The following PRDM5 variants were observed in gnomAD, a reference collection of about 807,000 sequenced individuals.
The protein encoded by PRDM5 is PR/SET domain 5.
PRDM5 carries 56 observed loss-of-function variants against 81.2 expected under a neutral mutation model. The observed-to-expected ratio is 0.69, with a 90% CI of 0.56 to 0.86. The LOEUF (loss-of-function observed/expected upper bound fraction) is 0.86, where lower values mean the gene tolerates loss of function less well. Ranked by LOEUF, PRDM5 falls within the 40% of genes least tolerant of loss-of-function variation. PRDM5 has a pLI of 0.00. For missense variants in PRDM5, 697 were observed against 770.1 expected, an observed-to-expected ratio of 0.91 and a Z score of 1.12; for synonymous variants, 267 against 256.4, an observed-to-expected ratio of 1.04 and a Z score of -0.39.
chr4:120,901,161 T>A (rs182488813), intron 2 of PRDM5, among the ~76,000 whole-genome samples: 1 of 152,310 alleles, frequency 6.6e-6, no homozygotes, highest in Non-Finnish European at 1.5e-5. Flanking sequence ...TGGTGACTTC[T>A]GAGATGTTAG....
intron 4 of PRDM5, among the ~76,000 whole-genome samples, chr4:120,819,653 T>C (rs1755007124): frequency 6.6e-6 from 1 of 152,152 alleles, no homozygotes; most frequent in African/African-American, 2.4e-5. Context: ...TTTTAATAAC[T>C]AAAGCAGAAA....
chr4:120,797,576 A>G (rs1174226123), intron 10 of PRDM5, among the ~76,000 whole-genome samples: 1 of 152,196 alleles, frequency 6.6e-6, no homozygotes, highest in Non-Finnish European at 1.5e-5. Context: ...TAAAGAGACT[A>G]GGATAATTAC....
Position 120,798,437 on chromosome 4 carries a change from T to C in PRDM5, c.1031-13A>G, listed in dbSNP as rs568573488. On this transcript the variant is annotated splice_polypyrimidine_tract_variant and intron_variant, in intron 9 of 15. Coordinates refer to ENST00000264808, the MANE Select transcript of PRDM5 (RefSeq NM_018699.4). ...TAGGGTCGTTTTTCTATTAAAAAAA[T>C]GAGTGGAGACAATCTCATATCTATA... 2 of 1,272,688 alleles carry C rather than the reference T, an allele frequency of 1.6e-6. No homozygotes were observed. The highest frequency in any genetic ancestry group is 1.8e-5 in the Admixed American group (1 of 56,674). The allele number at this position is 1,272,688 out of a possible 1,614,324, so 78.8% of individuals were successfully genotyped here. A position where few individuals can be genotyped will look rare whatever the true frequency, so the allele number is the denominator to read the frequency against.
At chr4:120,777,358 G>A in intron 12 of PRDM5, 77 bp from the exon 13 acceptor site, 2 of 1,597,504 alleles carry the variant, frequency 1.3e-6, no homozygotes, top group Non-Finnish European at 1.7e-6. Context: ...TCTGACAATA[G>A]TAAATCCTTA....
rs553671630 is a variant in PRDM5 at position 120,857,245 on chromosome 4, C to G, written c.178-3705G>C. Among the ~76,000 whole-genome samples the G allele has an allele frequency of 1.5e-4, 23 of 152,226 alleles. No homozygotes were observed. In the South Asian group the frequency reaches 4.3e-3, roughly 29 times the overall value. On this transcript the variant is annotated intron_variant, in intron 2 of 15. Coordinates refer to ENST00000264808, the MANE Select transcript of PRDM5 (RefSeq NM_018699.4). ...TGGTGGCACATGCCTATAGTCCCAG[C>G]TATTTGGGAAGCTGAGGCAGGAGAA...
chr4:120,809,691 G>C (rs1753558754), intron 8 of PRDM5, among the ~76,000 whole-genome samples: 1 of 152,116 alleles, frequency 6.6e-6, no homozygotes. Context: ...TCATCTACTG[G>C]CAAGGTGAAA....
intron 1 of PRDM5, among the ~76,000 whole-genome samples, chr4:120,919,540 ACC>A (rs1724630551): frequency 1.3e-5 from 2 of 152,224 alleles, no homozygotes; most frequent in South Asian, 2.1e-4. Context: ...ATCAAAAAAC[ACC>A]ACCCACTGGT....
chr4:120,693,401 G>A lies in PRDM5; in HGVS notation c.*1710C>T, dbSNP rs1310436365. 2.0e-5 allele frequency: 3 copies of A among 151,928 alleles called. No homozygotes were observed. Among genetic ancestry groups the A allele is most frequent in the Admixed American group, 1.3e-4 (2 of 15,226 alleles). The allele number at this position is 151,928 out of a possible 1,614,324, so 9.4% of individuals were successfully genotyped here. Reference sequence around the variant, plus strand: ...ATCATATTAAAATGAAAACACTTTAGATCTAAAAATATATTGTTGAAACAA... The same window carrying A: ...ATCATATTAAAATGAAAACACTTTAAATCTAAAAATATATTGTTGAAACAA... On this transcript the variant is annotated 3_prime_UTR_variant, in exon 16 of 16. Transcript: ENST00000264808.
chr4:120,899,049 T>G (rs973207430), intron 2 of PRDM5, among the ~76,000 whole-genome samples: 2 of 152,232 alleles, frequency 1.3e-5, no homozygotes, highest in African/African-American at 4.8e-5. Flanking sequence ...CTTTTTCATA[T>G]TTCCTTACTT....
At chr4:120,791,270 T>C (rs938473117) in intron 10 of PRDM5, among the ~76,000 whole-genome samples, 1 of 152,160 alleles carries the variant, frequency 6.6e-6, no homozygotes, top group Non-Finnish European at 1.5e-5. Flanking sequence ...AAAATAGCAG[T>C]GGTTACAAAA....
chr4:120,808,777 G>C (rs1416555451), intron 8 of PRDM5, among the ~76,000 whole-genome samples: 2 of 152,230 alleles, frequency 1.3e-5, no homozygotes, highest in Non-Finnish European at 2.9e-5. Context: ...CTAAGGCCCT[G>C]TGAGAAATTG....
chr4:120,866,396 T>C (rs567843232), intron 2 of PRDM5, among the ~76,000 whole-genome samples: 1 of 152,368 alleles, frequency 6.6e-6, no homozygotes, highest in Non-Finnish European at 1.5e-5. Context: ...CATTTTATAC[T>C]CATTTATTCT....
Position 120,781,230 on chromosome 4 carries a change from C to T in PRDM5, c.1356G>A (p.Gln452=). The stretch of plus-strand genomic sequence containing the variant: ...ACTTCTTGTGTCTTTCATGAACCAC[C>T]TGGACATGAACATTTAATGTATCCT... The part of the protein sequence containing the change: ...KRKDTLNVHV[Q]VVHERHKKYR... The change falls in exon 12 of 16, where the codon CAG becomes CAA. Residue 452 remains glutamine, a synonymous_variant. Coordinates refer to ENST00000264808, the MANE Select transcript of PRDM5 (RefSeq NM_018699.4). 12 of 1,612,204 alleles carry T rather than the reference C, an allele frequency of 7.4e-6. No individual in the cohort carries two copies. The highest frequency in any genetic ancestry group is 1.0e-5 in the Non-Finnish European group (12 of 1,178,446).
intron 1 of PRDM5, among the ~76,000 whole-genome samples, chr4:120,917,679 TA>T (rs59237440): frequency 0.098 from 13,979 of 142,436 alleles, 819 homozygotes; most frequent in Middle Eastern, 0.2. Flanking sequence ...AGTCAGACAT[TA>T]AAAAAAAAAA....
intron 14 of PRDM5, among the ~76,000 whole-genome samples, chr4:120,740,975 T>C (rs1478197890): frequency 2.0e-5 from 3 of 152,202 alleles, no homozygotes; most frequent in Admixed American, 1.3e-4. Flanking sequence ...GTGTGCACTT[T>C]GCTTATGCAG....
intron 14 of PRDM5, among the ~76,000 whole-genome samples, chr4:120,722,687 C>G (rs1184335231): frequency 6.6e-6 from 1 of 152,096 alleles, no homozygotes; most frequent in Non-Finnish European, 1.5e-5. Flanking sequence ...TGGGCTAAAC[C>G]AATGACAGCA....
chr4:120,783,978 A>G (rs1195794256), intron 11 of PRDM5, among the ~76,000 whole-genome samples: 1 of 152,150 alleles, frequency 6.6e-6, no homozygotes, highest in South Asian at 2.1e-4. Context: ...CCTCAGGAAT[A>G]TTAAAAGTTT....
At chr4:120,744,022 A>G (rs999787794) in intron 14 of PRDM5, among the ~76,000 whole-genome samples, 4 of 152,056 alleles carry the variant, frequency 2.6e-5, no homozygotes, top group Admixed American at 2.0e-4. Flanking sequence ...TTGACCACAT[A>G]CTTGGAAGTA....
Position 120,892,360 on chromosome 4 carries a change from G to C in PRDM5, c.177+15114C>G, listed in dbSNP as rs72923563. 3.6e-3 allele frequency among the ~76,000 whole-genome samples: 546 copies of C among 152,234 alleles called. 4 individuals are homozygous for C. The highest frequency in any genetic ancestry group is 0.013 in the African/African-American group (527 of 41,514). On this transcript the variant is annotated intron_variant, in intron 2 of 15. Coordinates refer to ENST00000264808, the MANE Select transcript of PRDM5 (RefSeq NM_018699.4). ...TGATCAAGTGTTGAGTTCAGGTCCC[G>C]AACGTCACTGATAGTTTTGTCTCAA...
Sources: gnomAD v4.1 joint callset for allele counts (sites outside exome capture counted in the v4.1 genomes callset) on GRCh38, gnomAD v4.1.1 for gene constraint, MANE v1.5 for transcripts, NCBI Gene and HGNC (gene_info 2026-07-23, HGNC 2026-07-21) for gene names.